Variants in SI observed in about 807,000 individuals in gnomAD.
The protein encoded by SI is sucrase-isomaltase, also known as sucrase-isomaltase, intestinal.
In SI, 235 loss-of-function variants were observed where a neutral mutation model predicts 253.3. The ratio of observed to expected loss-of-function variants is 0.93; its 90% confidence interval spans 0.83 to 1.03. The LOEUF (loss-of-function observed/expected upper bound fraction) is 1.03, where lower values mean the gene tolerates loss of function less well. SI is among the 50% of genes least tolerant of loss of function. The pLI is 0.00. For missense variants in SI, 2,442 were observed against 2,211.1 expected, an observed-to-expected ratio of 1.10 and a Z score of -2.09; for synonymous variants, 819 against 712.0, an observed-to-expected ratio of 1.15 and a Z score of -2.39.
Position 165,041,088 on chromosome 3 carries a change from C to T in SI, c.2011G>A (p.Asp671Asn), listed in dbSNP as rs1437360669. The T allele has an allele frequency of 6.2e-7, 1 of 1,612,246 alleles. No homozygotes were observed. The highest frequency in any genetic ancestry group is 1.3e-5 in the African/African-American group (1 of 74,802). The change falls in exon 18 of 48, where the codon GAT becomes AAT. Residue 671 changes from aspartate to asparagine, a missense_variant. By Grantham distance (23) the Asp-to-Asn change is conservative (BLOSUM62 1). Coordinates refer to ENST00000264382, the MANE Select transcript of SI (RefSeq NM_001041.4). ...NHNSDGYEHQ[D>N]PAFFGQNSLL... ...GAATTCTGCCCAAAAAATGCAGGAT[C>T]CTGATGCTGTGAGATAGAAAGAGAA...
intron 20 of SI, 143 bp from the exon 21 acceptor site, chr3:165,038,167 AT>A (rs140516795): frequency 1.4e-3 from 928 of 666,762 alleles, no homozygotes; most frequent in South Asian, 2.8e-3. Context: ...CTTTAGGAGA[AT>A]TTTTTTTTTC....
chr3:165,044,643 T>C (rs1713018795), intron 16 of SI, among the ~76,000 whole-genome samples: 4 of 152,030 alleles, frequency 2.6e-5, no homozygotes, highest in Non-Finnish European at 1.5e-5. Flanking sequence ...GCACTTCAAA[T>C]TGAATATCAT....
chr3:165,068,576 T>C (rs1560017244), intron 5 of SI, 146 bp downstream of exon 5: 2 of 695,386 alleles, frequency 2.9e-6, no homozygotes, highest in Non-Finnish European at 2.6e-6. Context: ...GGTTTCACCC[T>C]GTTAGCCAGG....
At chr3:165,065,856 A>C (rs2108259574) in intron 6 of SI, among the ~76,000 whole-genome samples, 1 of 151,876 alleles carries the variant, frequency 6.6e-6, no homozygotes, top group Non-Finnish European at 1.5e-5. Context: ...TCCACACTTA[A>C]AAATTAAGTT....
At chr3:165,083,210 G>T (rs558678055), upstream of SI, among the ~76,000 whole-genome samples, 4 of 151,790 alleles carry the variant, frequency 2.6e-5, no homozygotes, top group African/African-American at 9.7e-5. Flanking sequence ...ATTTAATAGG[G>T]TATGTGGCTG....
intron 12 of SI, 31 bp downstream of exon 12, chr3:165,058,932 C>T (rs200044052): frequency 1.4e-4 from 226 of 1,585,194 alleles, no homozygotes; most frequent in Non-Finnish European, 1.8e-4. Context: ...AAAATTTGAG[C>T]AACATAGTTT....
Position 165,033,385 on chromosome 3 carries a change from G to C in SI, c.2565+10C>G, listed in dbSNP as rs775924203. 2.6e-6 allele frequency: 4 copies of C among 1,555,672 alleles called. No individual in the cohort carries two copies. The African/African-American group carries it at 4.1e-5, about 16-fold the overall frequency. ...ATGCATTTAAGTATATGTACAAAGA[G>C]AGTGCTTACATTAGAAACTGAAAAT... On this transcript the variant is annotated intron_variant, in intron 23 of 47. Coordinates refer to ENST00000264382, the MANE Select transcript of SI (RefSeq NM_001041.4).
At chr3:165,002,632 T>C (rs1258495907) in intron 37 of SI, among the ~76,000 whole-genome samples, 2 of 151,856 alleles carry the variant, frequency 1.3e-5, no homozygotes, top group Non-Finnish European at 3.0e-5. Flanking sequence ...ACAGAAAGAC[T>C]TTACTCTTCA....
At chr3:165,085,144 T>A in the SI span, among the ~76,000 whole-genome samples, 1 of 152,140 alleles carries the variant, frequency 6.6e-6, no homozygotes, top group African/African-American at 2.4e-5. Flanking sequence ...TTTTTAATTC[T>A]AATTCTATGA....
intron 31 of SI, among the ~76,000 whole-genome samples, chr3:165,016,601 G>T (rs1034072219): frequency 2.0e-4 from 31 of 151,852 alleles, no homozygotes; most frequent in African/African-American, 6.0e-4. Context: ...TCACTTTTAG[G>T]ATAACAGCCC....
chr3:165,046,023 G>T (rs1178064823), intron 16 of SI, among the ~76,000 whole-genome samples: 2 of 151,458 alleles, frequency 1.3e-5, no homozygotes, highest in East Asian at 3.9e-4. Flanking sequence ...TAGAGACAGG[G>T]TTTCACCATG....
chr3:165,064,868 G>A (rs374320885), intron 7 of SI, among the ~76,000 whole-genome samples: 2 of 152,070 alleles, frequency 1.3e-5, no homozygotes, highest in South Asian at 2.1e-4. Context: ...GGACAGAGAT[G>A]CGTGAGATAA....
At chr3:165,066,912 G>C (rs1306154879) in intron 6 of SI, among the ~76,000 whole-genome samples, 1 of 151,688 alleles carries the variant, frequency 6.6e-6, no homozygotes, top group Non-Finnish European at 1.5e-5. Flanking sequence ...CATAATGAAG[G>C]TGTTCATTCT....
chr3:164,999,688 C>T (rs917093734), intron 37 of SI, among the ~76,000 whole-genome samples: 4 of 151,578 alleles, frequency 2.6e-5, no homozygotes, highest in African/African-American at 7.2e-5. Context: ...AAATCAAGTG[C>T]TATACTTTAA....
Position 165,009,394 on chromosome 3 carries a change from G to T in SI, c.4064C>A (p.Ala1355Asp). ...KTLTEDEAVN[A>D]SRAHVAFPDF... ...TGGGAAAGCTACATGAGCTCTGGAA[G>T]CCTGTAAAACCAAAATTTAGGCTCA... The change falls in exon 35 of 48, where the codon GCT (alanine) becomes GAT (aspartate). Residue 1355 changes from alanine to aspartate, a missense_variant and splice_region_variant. Ala to Asp is a moderately radical substitution (Grantham distance 126). Transcript: ENST00000264382. 2 of 1,609,786 alleles carry T rather than the reference G, an allele frequency of 1.2e-6. No individual in the cohort carries two copies. The highest frequency in any genetic ancestry group is 2.2e-5 in the East Asian group (1 of 44,752).
intron 16 of SI, 89 bp from the exon 17 acceptor site, chr3:165,043,264 G>T (rs1486901780): frequency 1.2e-6 from 1 of 831,990 alleles, no homozygotes; most frequent in Non-Finnish European, 2.0e-6. Context: ...TGATGAATGT[G>T]CCTTATATAC....
intron 41 of SI, among the ~76,000 whole-genome samples, chr3:164,992,965 A>G (rs954032409): frequency 4.0e-5 from 6 of 151,752 alleles, no homozygotes; most frequent in Non-Finnish European, 1.5e-5. Flanking sequence ...TAATGGCTTA[A>G]GAGCCACTAT....
intron 16 of SI, among the ~76,000 whole-genome samples, chr3:165,045,238 A>C (rs1484346595): frequency 6.6e-6 from 1 of 152,068 alleles, no homozygotes; most frequent in Non-Finnish European, 1.5e-5. Flanking sequence ...TTAAATTGGA[A>C]TTCCACAAAA....
intron 3 of SI, among the ~76,000 whole-genome samples, chr3:165,071,929 C>T (rs1576924280): frequency 6.6e-6 from 1 of 152,050 alleles, no homozygotes; most frequent in Non-Finnish European, 1.5e-5. Flanking sequence ...GTTATGGCAG[C>T]CCGAGCTAAT....
Sources: gnomAD v4.1 joint callset for allele counts (sites outside exome capture counted in the v4.1 genomes callset) on GRCh38, gnomAD v4.1.1 for gene constraint, MANE v1.5 for transcripts, NCBI Gene and HGNC (gene_info 2026-07-23, HGNC 2026-07-21) for gene names.